KCNQ1: variants seen among roughly 807,000 people sequenced by gnomAD.
KCNQ1 encodes the protein potassium voltage-gated channel subfamily Q member 1.
Under a neutral mutation model 72.4 loss-of-function variants are expected in KCNQ1, and 49 were observed. The ratio of observed to expected loss-of-function variants is 0.68; its 90% CI spans 0.54 to 0.86. The LOEUF (loss-of-function observed/expected upper bound fraction) is 0.86, where lower values mean the gene tolerates loss of function less well. Ranked by LOEUF, KCNQ1 falls within the 40% of genes least tolerant of loss-of-function variation. The pLI is 0.00. For synonymous variants in KCNQ1, 450 were observed against 412.6 expected, an observed-to-expected ratio of 1.09 and a Z score of -1.10; for missense variants, 790 against 945.1, an observed-to-expected ratio of 0.84 and a Z score of 2.15.
rs1254395088 is a variant in KCNQ1 at position 2,562,187 on chromosome 11, G to A, written c.478-8441G>A. ...TGCCCCAGGCCAGGCTACCTTGGGC[G>A]GGGTGGGGACTGGTACTCCCCGGGG... On this transcript the variant is annotated intron_variant, in intron 2 of 15. Coordinates refer to ENST00000155840, the MANE Select transcript of KCNQ1 (RefSeq NM_000218.3). This position sits in a 1 kb window ranked among gnomAD's most constrained non-coding sequence, Gnocchi z 7.5. Among the ~76,000 whole-genome samples the A allele has an allele frequency of 4.6e-5, 7 of 152,120 alleles. No homozygotes were observed. In the East Asian group the frequency reaches 5.8e-4, roughly 13 times the overall value.
At chr11:2,840,278 C>CTCTT (rs1848180348) in intron 15 of KCNQ1, 1 of 152,780 alleles carries the variant, frequency 6.5e-6, no homozygotes, top group African/African-American at 2.4e-5. Flanking sequence ...GGAGGGGTGG[C>CTCTT]TCTTACTGTC....
At chr11:2,675,043 C>G (rs1484426507) in intron 11 of KCNQ1, 1 of 398,484 alleles carries the variant, frequency 2.5e-6, no homozygotes, top group Admixed American at 4.4e-5. Context: ...AGGTGGGGGA[C>G]GGGGATGCCA....
chr11:2,794,990 G>A (rs1847102032), intron 15 of KCNQ1, among the ~76,000 whole-genome samples: 1 of 152,230 alleles, frequency 6.6e-6, no homozygotes, highest in South Asian at 2.1e-4. Context: ...AGGAAGGCAA[G>A]CAGGCAGCAC....
chr11:2,614,282 C>T (rs2133794645), intron 10 of KCNQ1: 1 of 398,598 alleles, frequency 2.5e-6, no homozygotes. Context: ...TCCATGTTGA[C>T]ATTTAATATA....
rs1846870810 is a variant in KCNQ1 at position 2,784,026 on chromosome 11, G to T, written c.1794+5989G>T. ...AAGTCCAATTTGTCTTTTCTTATAT[G>T]GCTCAGGCTTTTGATGTTTTATCTA... On this transcript the variant is annotated intron_variant, in intron 15 of 15. Transcript: ENST00000155840. The surrounding 1 kb of genome is among the most constrained non-coding windows in gnomAD (Gnocchi z 4.7). 6.6e-6 allele frequency among the ~76,000 whole-genome samples: 1 copy of T among 151,792 alleles called. No homozygotes were observed. Among genetic ancestry groups the T allele is most frequent in the Non-Finnish European group, 1.5e-5 (1 of 67,814 alleles).
At chr11:2,694,787 T>G (rs1280257945) in intron 11 of KCNQ1, 1 of 398,390 alleles carries the variant, frequency 2.5e-6, no homozygotes, top group African/African-American at 2.1e-5. Context: ...TTGCAGAGAC[T>G]CGAAAGGTAG....
intron 11 of KCNQ1, among the ~76,000 whole-genome samples, chr11:2,737,919 G>A (rs968803585): frequency 1.3e-4 from 20 of 152,180 alleles, no homozygotes; most frequent in African/African-American, 3.6e-4. Context: ...CCTGCCCAGG[G>A]GAGGCACACC....
In KCNQ1 at chr11:2,523,255, G is replaced by A. The variant is rs563374176; in HGVS notation, c.387-4673G>A. 1.9e-4 allele frequency among the ~76,000 whole-genome samples: 29 copies of A among 151,324 alleles called. No homozygotes were observed. In the South Asian group the frequency reaches 5.6e-3, roughly 29 times the overall value. ...GTCACCCAGGCTGGAGTGCAGTGGC[G>A]CGATCTCGGCTCACTGCAACCTCCA... On this transcript the variant is annotated intron_variant, in intron 1 of 15. Coordinates refer to ENST00000155840, the MANE Select transcript of KCNQ1 (RefSeq NM_000218.3).
intron 6 of KCNQ1, among the ~76,000 whole-genome samples, chr11:2,578,769 T>C (rs564410477): frequency 1.3e-5 from 2 of 152,378 alleles, no homozygotes; most frequent in African/African-American, 4.8e-5. Context: ...GGCTGGGCTC[T>C]CGAGGCTGGG....
rs1846116247 is a variant in KCNQ1, at chr11:2,451,315, G to A, written c.386+5831G>A. Among the ~76,000 whole-genome samples, 1 of 152,180 alleles carries A rather than the reference G, an allele frequency of 6.6e-6. No homozygotes were observed. The stretch of plus-strand genomic sequence containing the variant: ...GTGTGCGCAGTTCACAATAGGATTT[G>A]TGCTCCTGTGAGAATCTAATGCCAC... On this transcript the variant is annotated intron_variant, in intron 1 of 15. Transcript: ENST00000155840. This position sits in a 1 kb window ranked among gnomAD's most constrained non-coding sequence, Gnocchi z 6.4.
At chr11:2,832,546 T>C (rs531361512) in intron 15 of KCNQ1, among the ~76,000 whole-genome samples, 1 of 152,308 alleles carries the variant, frequency 6.6e-6, no homozygotes, top group South Asian at 2.1e-4. Flanking sequence ...TCCCCGCCCA[T>C]GCCCAGGGCC....
intron 11 of KCNQ1, chr11:2,694,675 G>A (rs1026289280): frequency 1.8e-5 from 7 of 398,466 alleles, no homozygotes; most frequent in African/African-American, 6.2e-5. Context: ...GACCCTATAC[G>A]GAAGACAGAT....
intron 1 of KCNQ1, 60 bp downstream of exon 1, chr11:2,445,544 G>A (rs1306706011): frequency 6.4e-7 from 1 of 1,551,424 alleles, no homozygotes; most frequent in African/African-American, 1.3e-5. Flanking sequence ...TGGTGTGGGG[G>A]AGCTCTGTCC....
At chr11:2,556,950 G>A (rs936256308) in intron 2 of KCNQ1, among the ~76,000 whole-genome samples, 30 of 152,234 alleles carry the variant, frequency 2.0e-4, no homozygotes, top group African/African-American at 6.8e-4. Context: ...GACAGAAAGA[G>A]TCAAATCAAA....
At chr11:2,699,756 G>A (rs992829163) in intron 11 of KCNQ1, 4 of 359,580 alleles carry the variant, frequency 1.1e-5, no homozygotes, top group Middle Eastern at 6.8e-4. Context: ...CCCCAGAAGA[G>A]CGCCGCGCTG....
Position 2,651,841 on chromosome 11 carries a change from G to T in KCNQ1, c.1394-10120G>T. 1 of 398,670 alleles carries T rather than the reference G, an allele frequency of 2.5e-6. No homozygotes were observed. The highest frequency in any genetic ancestry group is 3.6e-5 in the East Asian group (1 of 28,076). The allele number at this position is 398,670 out of a possible 1,614,324, so 24.7% of individuals were successfully genotyped here. ...GGAGCCCACAGGACCATACCAGACAGATGCCACCACATCTTTTCTTGAAGT... is the reference window on the plus strand; with the variant it reads ...GGAGCCCACAGGACCATACCAGACATATGCCACCACATCTTTTCTTGAAGT... On this transcript the variant is annotated intron_variant, in intron 10 of 15. Coordinates refer to ENST00000155840, the MANE Select transcript of KCNQ1 (RefSeq NM_000218.3). This position sits in a 1 kb window ranked among gnomAD's most constrained non-coding sequence, Gnocchi z 6.1.
At chr11:2,578,376 G>A (rs563757838) in intron 6 of KCNQ1, among the ~76,000 whole-genome samples, 7 of 152,346 alleles carry the variant, frequency 4.6e-5, no homozygotes, top group East Asian at 3.9e-4. Context: ...GGTGGGGCCC[G>A]AGGCCCTCAC....
chr11:2,560,195 T>C (rs1848138792), intron 2 of KCNQ1, among the ~76,000 whole-genome samples: 1 of 80,872 alleles, frequency 1.2e-5, no homozygotes, highest in African/African-American at 5.0e-5. Flanking sequence ...AGGGGTGACA[T>C]CCATCCTGGG....
At chr11:2,597,579 A>G (rs1015915684) in intron 10 of KCNQ1, among the ~76,000 whole-genome samples, 2 of 152,194 alleles carry the variant, frequency 1.3e-5, no homozygotes, top group Non-Finnish European at 1.5e-5. Context: ...GAAATCTGCC[A>G]TCATGTGGGG....
Sources: gnomAD v4.1 joint callset for allele counts (sites outside exome capture counted in the v4.1 genomes callset) on GRCh38, gnomAD v4.1.1 for gene constraint, Gnocchi (gnomAD v3.1) non-coding constraint, MANE v1.5 for transcripts, NCBI Gene and HGNC (gene_info 2026-07-23, HGNC 2026-07-21) for gene names.